MCC: variants seen among roughly 807,000 people sequenced by gnomAD.
MCC encodes the protein colorectal mutant cancer protein.
MCC carries 90 observed loss-of-function variants against 116.2 expected under a neutral mutation model. The observed-to-expected ratio is 0.77, with a 90% CI of 0.65 to 0.92. The LOEUF (loss-of-function observed/expected upper bound fraction) is 0.92. MCC is among the 40% of genes least tolerant of loss of function. The pLI is 0.00. For synonymous variants in MCC, 578 were observed against 510.5 expected, an observed-to-expected ratio of 1.13 and a Z score of -1.78; for missense variants, 1,516 against 1,312.2, an observed-to-expected ratio of 1.16 and a Z score of -2.40.
chr5:113,114,159 C>T (rs1242130924), intron 6 of MCC, among the ~76,000 whole-genome samples: 1 of 152,066 alleles, frequency 6.6e-6, no homozygotes, highest in Non-Finnish European at 1.5e-5. Context: ...GAAATGTTAA[C>T]AATTGGTTGA....
chr5:113,199,280 T>C (rs1406120650), intron 3 of MCC, among the ~76,000 whole-genome samples: 3 of 152,012 alleles, frequency 2.0e-5, no homozygotes, highest in Non-Finnish European at 4.4e-5. Context: ...TTATCTGAGG[T>C]CCGAGTGTAA....
chr5:113,479,250 T>A (rs1580428133), intron 1 of MCC, among the ~76,000 whole-genome samples: 1 of 152,184 alleles, frequency 6.6e-6, no homozygotes, highest in East Asian at 1.9e-4. Flanking sequence ...TCCATTTATG[T>A]GAAATACTAA....
intron 3 of MCC, among the ~76,000 whole-genome samples, chr5:113,163,749 C>G (rs1315294074): frequency 6.6e-6 from 1 of 152,178 alleles, no homozygotes; most frequent in African/African-American, 2.4e-5. Context: ...CCCACCACCA[C>G]TATGAGATGA....
intron 17 of MCC, among the ~76,000 whole-genome samples, chr5:113,034,063 C>CTTTTT (rs35834150): frequency 2.9e-5 from 4 of 136,294 alleles, no homozygotes; most frequent in Non-Finnish European, 4.6e-5. Context: ...ATTTTTAAAA[C>CTTTTT]TTTTTTTTTT....
intron 11 of MCC, among the ~76,000 whole-genome samples, chr5:113,078,389 C>T (rs1354590421): frequency 6.6e-6 from 1 of 152,218 alleles, no homozygotes; most frequent in Non-Finnish European, 1.5e-5. Context: ...CCCTGATGAA[C>T]ATTGATGCAA....
intron 3 of MCC, among the ~76,000 whole-genome samples, chr5:113,258,529 A>T (rs1329856285): frequency 6.6e-6 from 1 of 152,260 alleles, no homozygotes; most frequent in African/African-American, 2.4e-5. Context: ...CTGCACTGCA[A>T]GGAATCTAGG....
In MCC at chr5:113,434,215, T is replaced by C. The variant is rs1254257301; in HGVS notation, c.171-49003A>G. ...TCGTAGGGCATGGAGCCGCAGACCATGATGTAGAGGATCACGCCTAGGCTC... is the reference window on the plus strand; with the variant it reads ...TCGTAGGGCATGGAGCCGCAGACCACGATGTAGAGGATCACGCCTAGGCTC... On this transcript the variant is annotated intron_variant, in intron 1 of 18. Transcript: ENST00000408903. This position sits in a 1 kb window ranked among gnomAD's most constrained non-coding sequence, Gnocchi z 4.2. 9.9e-6 allele frequency: 16 copies of C among 1,613,926 alleles called. No homozygotes were observed. In the African/African-American group the frequency reaches 1.6e-4, roughly 16 times the overall value.
intron 3 of MCC, among the ~76,000 whole-genome samples, chr5:113,327,561 A>AAAAAAAATATATATATAT (rs1480996383): frequency 2.5e-5 from 2 of 80,584 alleles, no homozygotes; most frequent in African/African-American, 1.0e-4. Flanking sequence ...AAAAAAAAAA[A>AAAAAAAATATATATATAT]ATATATATAT....
chr5:113,164,702 T>G (rs1162859370), intron 3 of MCC, among the ~76,000 whole-genome samples: 2 of 152,234 alleles, frequency 1.3e-5, no homozygotes, highest in Admixed American at 6.5e-5. Context: ...ACTTCCAAGC[T>G]GACCTGTCAC....
At chr5:113,137,171 T>C (rs948219596) in intron 5 of MCC, among the ~76,000 whole-genome samples, 8 of 152,188 alleles carry the variant, frequency 5.3e-5, no homozygotes, top group African/African-American at 1.9e-4. Context: ...AGCAGGCACC[T>C]TCTCAAGGCA....
At chr5:113,075,366 G>A (rs900629991) in intron 11 of MCC, among the ~76,000 whole-genome samples, 6 of 152,070 alleles carry the variant, frequency 3.9e-5, no homozygotes, top group South Asian at 2.1e-4. Flanking sequence ...GATGGGTGCC[G>A]CCCCCTGCTC....
chr5:113,323,456 C>T (rs905551820), intron 3 of MCC, among the ~76,000 whole-genome samples: 1 of 152,076 alleles, frequency 6.6e-6, no homozygotes, highest in Non-Finnish European at 1.5e-5. Flanking sequence ...TAAAATGGAG[C>T]CAGCTCTGGG....
At chr5:113,341,729 A>G (rs1381589538) in intron 2 of MCC, among the ~76,000 whole-genome samples, 2 of 152,190 alleles carry the variant, frequency 1.3e-5, no homozygotes, top group East Asian at 1.9e-4. Context: ...TGGAGCCACA[A>G]GGTAGATGGA....
chr5:113,440,514 TG>T (rs1488605361), intron 1 of MCC, among the ~76,000 whole-genome samples: 2 of 151,410 alleles, frequency 1.3e-5, no homozygotes, highest in African/African-American at 4.9e-5. Flanking sequence ...GGATTCTCAA[TG>T]CACAATGCTC....
chr5:113,454,896 T>A lies in MCC; in HGVS notation c.170+33349A>T, dbSNP rs111317958. ...ACACACAGTCATAAACTGAATAATA[T>A]TAAATAAATAGTAACAGCCTGAAAT... On this transcript the variant is annotated intron_variant, in intron 1 of 18. Transcript: ENST00000408903. Among the ~76,000 whole-genome samples the A allele has an allele frequency of 2.1e-3, 316 of 152,182 alleles. 6 individuals are homozygous for A. The highest frequency in any genetic ancestry group is 6.9e-3 in the African/African-American group (286 of 41,518).
intron 14 of MCC, among the ~76,000 whole-genome samples, chr5:113,061,060 C>T (rs1009392135): frequency 1.3e-5 from 2 of 152,170 alleles, no homozygotes; most frequent in Non-Finnish European, 2.9e-5. Flanking sequence ...TACCTTAATC[C>T]AGACTAGTTC....
intron 14 of MCC, among the ~76,000 whole-genome samples, chr5:113,062,262 G>T (rs1055287049): frequency 2.6e-5 from 4 of 152,148 alleles, no homozygotes; most frequent in Admixed American, 2.6e-4. Context: ...CAGAAAAACA[G>T]GATCCCAAAT....
chr5:113,064,529 C>T (rs1011608364), intron 13 of MCC, among the ~76,000 whole-genome samples: 1 of 152,226 alleles, frequency 6.6e-6, no homozygotes, highest in African/African-American at 2.4e-5. Context: ...TTTGGCCATT[C>T]CTCTGTGCAT....
intron 5 of MCC, among the ~76,000 whole-genome samples, chr5:113,134,153 C>T (rs1001797791): frequency 1.3e-5 from 2 of 152,196 alleles, no homozygotes; most frequent in Non-Finnish European, 1.5e-5. Context: ...TTTGCCCAGA[C>T]TCAATGTCCT....
Sources: allele counts gnomAD v4.1 joint callset (sites outside exome capture counted in the v4.1 genomes callset), GRCh38; gene constraint gnomAD v4.1.1; non-coding constraint Gnocchi (gnomAD v3.1); transcripts MANE v1.5; gene names NCBI Gene and HGNC (gene_info 2026-07-23, HGNC 2026-07-21).